PTPRD: variants seen among roughly 807,000 people sequenced by gnomAD.
PTPRD encodes the protein receptor-type tyrosine-protein phosphatase delta.
In PTPRD, 34 loss-of-function variants were observed where a neutral mutation model predicts 214.5. The ratio of observed to expected loss-of-function variants is 0.16; its 90% CI spans 0.12 to 0.21. The LOEUF (loss-of-function observed/expected upper bound fraction) is 0.21. Among genes scored for constraint, PTPRD ranks in the 10% least tolerant of loss-of-function variants. The pLI is 1.00. For synonymous variants in PTPRD, 1,128 were observed against 845.7 expected, an observed-to-expected ratio of 1.33 and a Z score of -5.79; for missense variants, 2,545 against 2,398.7, an observed-to-expected ratio of 1.06 and a Z score of -1.27.
chr9:10,082,551 G>A (rs1443065400), intron 3 of PTPRD, among the ~76,000 whole-genome samples: 2 of 152,002 alleles, frequency 1.3e-5, no homozygotes, highest in Non-Finnish European at 2.9e-5. Context: ...GAAAAAGAAA[G>A]AGAGGGAAAG....
At chr9:8,518,655 G>A (rs1207382461) in intron 20 of PTPRD, among the ~76,000 whole-genome samples, 1 of 152,176 alleles carries the variant, frequency 6.6e-6, no homozygotes, top group African/African-American at 2.4e-5. Flanking sequence ...ATATTTTTAG[G>A]CTTGTATCCA....
intron 2 of PTPRD, among the ~76,000 whole-genome samples, chr9:10,432,630 C>T (rs1284264543): frequency 6.6e-6 from 1 of 151,890 alleles, no homozygotes; most frequent in African/African-American, 2.4e-5. Context: ...CATCACTGAG[C>T]CCAGTATTAC....
chr9:9,698,286 T>C lies in PTPRD; in HGVS notation c.-287+36247A>G, dbSNP rs549915481. ...TCTGGGTTGGTGTTTTTACTGGATA[T>C]GTTTCCTTAGAGGTTTCTTTGCAAT... On this transcript the variant is annotated intron_variant, in intron 7 of 45. Transcript: ENST00000381196. 1.2e-3 allele frequency among the ~76,000 whole-genome samples: 188 copies of C among 152,332 alleles called. 1 individual carries two copies. The highest frequency in any genetic ancestry group is 4.1e-3 in the African/African-American group (170 of 41,590).
chr9:8,819,177 G>C (rs1016940257), intron 11 of PTPRD, among the ~76,000 whole-genome samples: 10 of 152,106 alleles, frequency 6.6e-5, no homozygotes, highest in African/African-American at 2.4e-4. Context: ...CTTACTCTGT[G>C]TCTTGAGTAT....
intron 7 of PTPRD, among the ~76,000 whole-genome samples, chr9:9,722,389 C>T (rs947512433): frequency 3.3e-5 from 5 of 151,902 alleles, no homozygotes; most frequent in Admixed American, 6.6e-5. Context: ...TATTACAGCA[C>T]GTAACAGTAC....
chr9:9,285,631 T>C (rs917050980), intron 9 of PTPRD, among the ~76,000 whole-genome samples: 3 of 151,826 alleles, frequency 2.0e-5, no homozygotes, highest in Non-Finnish European at 4.4e-5. Flanking sequence ...ACCATTTTTT[T>C]AATTCTTTCT....
chr9:9,019,807 T>C (rs1406086265), intron 10 of PTPRD, among the ~76,000 whole-genome samples: 1 of 152,222 alleles, frequency 6.6e-6, no homozygotes, highest in Non-Finnish European at 1.5e-5. Flanking sequence ...TCGGGAGTTT[T>C]ATAATTTATA....
intron 9 of PTPRD, among the ~76,000 whole-genome samples, chr9:9,258,568 T>C (rs572378695): frequency 6.6e-6 from 1 of 152,076 alleles, no homozygotes; most frequent in South Asian, 2.1e-4. Flanking sequence ...CAGAATTACA[T>C]TGAACAGTAT....
chr9:10,153,281 A>C (rs2154279880), intron 3 of PTPRD, among the ~76,000 whole-genome samples: 1 of 152,050 alleles, frequency 6.6e-6, no homozygotes, highest in African/African-American at 2.4e-5. Flanking sequence ...AAATATATAC[A>C]ATTTTTGTCA....
chr9:9,766,271 G>A (rs1393225690), intron 6 of PTPRD, among the ~76,000 whole-genome samples: 1 of 152,012 alleles, frequency 6.6e-6, no homozygotes, highest in Admixed American at 6.5e-5. Flanking sequence ...AACAGGCATT[G>A]TGTATTAACC....
At chr9:8,862,457 C>T (rs1477435312) in intron 11 of PTPRD, among the ~76,000 whole-genome samples, 1 of 152,104 alleles carries the variant, frequency 6.6e-6, no homozygotes, top group Admixed American at 6.5e-5. Context: ...TTTTTTGACC[C>T]ATGTAGTTCT....
intron 8 of PTPRD, among the ~76,000 whole-genome samples, chr9:9,407,705 A>G (rs2073993594): frequency 6.6e-6 from 1 of 151,764 alleles, no homozygotes; most frequent in African/African-American, 2.4e-5. Flanking sequence ...TTCCTCTGTA[A>G]AATTTGGAAT....
At chr9:8,344,000 C>T (rs546020344) in intron 39 of PTPRD, among the ~76,000 whole-genome samples, 214 of 152,154 alleles carry the variant, frequency 1.4e-3, no homozygotes, top group Non-Finnish European at 2.8e-3. Flanking sequence ...ACAGGAAAAT[C>T]ACTTTAAGTA....
At chr9:10,075,162 G>A (rs1273572702) in intron 3 of PTPRD, among the ~76,000 whole-genome samples, 4 of 151,948 alleles carry the variant, frequency 2.6e-5, no homozygotes, top group Admixed American at 6.6e-5. Flanking sequence ...GTGAAATAAG[G>A]CTTGTATCTT....
At chr9:9,164,452 A>C (rs750871735) in intron 10 of PTPRD, among the ~76,000 whole-genome samples, 14 of 152,166 alleles carry the variant, frequency 9.2e-5, no homozygotes, top group Admixed American at 5.9e-4. Context: ...CGATATCTTT[A>C]ACTTAATCAC....
At position 8,879,677 on chromosome 9, in the gene PTPRD, A is replaced by G. The variant is rs2098425396; in HGVS notation, c.-104+139020T>C. ...TACTATTTAATTTTAATGATTTGAA[A>G]CAGAATCCTGGATCTTAGCGTTCCT... On this transcript the variant is annotated intron_variant, in intron 11 of 45. Transcript: ENST00000381196. Among the ~76,000 whole-genome samples, 4 of 152,176 alleles carry G rather than the reference A, an allele frequency of 2.6e-5. No homozygotes were observed. In the South Asian group the frequency reaches 8.3e-4, roughly 31 times the overall value.
chr9:8,601,076 A>G (rs2094829441), intron 14 of PTPRD, among the ~76,000 whole-genome samples: 1 of 152,066 alleles, frequency 6.6e-6, no homozygotes, highest in South Asian at 2.1e-4. Context: ...AAGAGCTTTT[A>G]GGCCTTAAGT....
chr9:9,871,411 A>T (rs894408028), intron 5 of PTPRD, among the ~76,000 whole-genome samples: 1 of 152,196 alleles, frequency 6.6e-6, no homozygotes, highest in Non-Finnish European at 1.5e-5. Context: ...TCCATTTTGA[A>T]TATTTTCTGA....
At chr9:8,426,575 G>C (rs1427750748) in intron 35 of PTPRD, among the ~76,000 whole-genome samples, 1 of 152,168 alleles carries the variant, frequency 6.6e-6, no homozygotes, top group Non-Finnish European at 1.5e-5. Context: ...ACATTTTGGA[G>C]AATGTCCAGT....
Sources: allele counts gnomAD v4.1 joint callset (sites outside exome capture counted in the v4.1 genomes callset), GRCh38; gene constraint gnomAD v4.1.1; transcripts MANE v1.5; gene names NCBI Gene and HGNC (gene_info 2026-07-23, HGNC 2026-07-21).